NCKAP5: variants seen among roughly 807,000 people sequenced by gnomAD.
NCKAP5 encodes NCK associated protein 5, also known as nck-associated protein 5.
Under a neutral mutation model 167.0 loss-of-function variants are expected in NCKAP5, and 92 were observed. The ratio of observed to expected loss-of-function variants is 0.55; its 90% CI spans 0.47 to 0.66. The LOEUF is 0.66. Ranked by LOEUF, NCKAP5 falls within the 30% of genes least tolerant of loss-of-function variation. The pLI, the probability that NCKAP5 is intolerant of heterozygous loss-of-function variation, is 0.00. For synonymous variants in NCKAP5, 891 were observed against 877.4 expected (o/e 1.02, Z -0.27); for missense variants, 2,378 against 2,315.0 (o/e 1.03, Z -0.56).
chr2:133,412,917 C>T (rs2151064672), intron 3 of NCKAP5, among the ~76,000 whole-genome samples: 1 of 152,322 alleles, frequency 6.6e-6, no homozygotes, highest in African/African-American at 2.4e-5. Flanking sequence ...TACCTACCAC[C>T]TTGAAGTGTA....
At position 133,228,037 on chromosome 2, in the gene NCKAP5, C is replaced by A. The variant is rs574811151; in HGVS notation, c.144-14258G>T. ...CTCTGGGGACTCTTGGTTTCTATTC[C>A]ATCAGTTCCACGTTTTAATTCTCTG... On this transcript the variant is annotated intron_variant, in intron 4 of 19. Transcript: ENST00000409261. Among the ~76,000 whole-genome samples the A allele has an allele frequency of 2.6e-5, 4 of 152,278 alleles. No homozygotes were observed. The East Asian group carries it at 5.8e-4, about 22-fold the overall frequency.
At chr2:133,151,161 G>C (rs1423045315) in intron 5 of NCKAP5, among the ~76,000 whole-genome samples, 1 of 152,092 alleles carries the variant, frequency 6.6e-6, no homozygotes, top group Non-Finnish European at 1.5e-5. Context: ...ACGCTTTTCT[G>C]TATGTACATT....
At chr2:133,123,106 G>C (rs2082299343) in intron 6 of NCKAP5, 1 of 152,186 alleles carries the variant, frequency 6.6e-6, no homozygotes. Flanking sequence ...TCTCTACAGG[G>C]ATGAATAATA....
At chr2:133,431,440 G>A (rs1013931957) in intron 3 of NCKAP5, among the ~76,000 whole-genome samples, 4 of 152,138 alleles carry the variant, frequency 2.6e-5, no homozygotes, top group South Asian at 4.1e-4. Flanking sequence ...GTAGACAACC[G>A]TTTCCAAGGT....
intron 3 of NCKAP5, among the ~76,000 whole-genome samples, chr2:133,399,139 C>T (rs576095349): frequency 1.3e-5 from 2 of 152,140 alleles, no homozygotes; most frequent in African/African-American, 2.4e-5. Context: ...AACATGCTCT[C>T]GCTCTTCATT....
intron 3 of NCKAP5, among the ~76,000 whole-genome samples, chr2:133,383,144 C>A (rs2150955877): frequency 6.6e-6 from 1 of 152,052 alleles, no homozygotes; most frequent in East Asian, 1.9e-4. Flanking sequence ...TATACATATG[C>A]CATATTGGTG....
chr2:133,255,372 C>A (rs113477783), intron 4 of NCKAP5, among the ~76,000 whole-genome samples: 229 of 152,208 alleles, frequency 1.5e-3, no homozygotes, highest in African/African-American at 5.2e-3. Flanking sequence ...TTTAATACAT[C>A]ACTTCTTTAT....
intron 6 of NCKAP5, among the ~76,000 whole-genome samples, chr2:133,119,999 G>A (rs957816080): frequency 1.3e-5 from 2 of 151,960 alleles, no homozygotes; most frequent in South Asian, 4.2e-4. Flanking sequence ...GTAACCATGG[G>A]GATATCAATA....
chr2:133,196,445 G>A (rs939316861), intron 5 of NCKAP5, among the ~76,000 whole-genome samples: 1 of 152,162 alleles, frequency 6.6e-6, no homozygotes, highest in African/African-American at 2.4e-5. Flanking sequence ...ACAAGCGCTT[G>A]ACATCTTCAC....
At chr2:133,084,753 C>T (rs1483939625) in intron 6 of NCKAP5, among the ~76,000 whole-genome samples, 1 of 152,160 alleles carries the variant, frequency 6.6e-6, no homozygotes, top group Non-Finnish European at 1.5e-5. Context: ...CCATTCATGA[C>T]CTCAGCATCA....
chr2:132,781,905 C>T, intron 14 of NCKAP5, 35 bp downstream of exon 14: 3 of 1,577,138 alleles, frequency 1.9e-6, no homozygotes, highest in South Asian at 2.4e-5. Flanking sequence ...TGGAGGGACC[C>T]CTCTACATTG....
chr2:133,171,306 G>GTGAC lies in NCKAP5; in HGVS notation c.208-41199_208-41196dup, dbSNP rs539047596. On this transcript the variant is annotated intron_variant, in intron 5 of 19. Coordinates refer to ENST00000409261, the MANE Select transcript of NCKAP5 (RefSeq NM_207363.3). ...TCAATCCTTTTAATCCAGCAGAAAT[G>GTGAC]TGACCCCCAACTGAGTAGAAACGTG... Among the ~76,000 whole-genome samples, 12 of 152,316 alleles carry GTGAC rather than the reference G, an allele frequency of 7.9e-5. No homozygotes were observed. In the South Asian group the frequency reaches 2.3e-3, roughly 29 times the overall value.
chr2:133,329,116 T>C (rs940383424), intron 3 of NCKAP5, among the ~76,000 whole-genome samples: 2 of 152,180 alleles, frequency 1.3e-5, no homozygotes, highest in African/African-American at 4.8e-5. Flanking sequence ...AGGAATTGCA[T>C]TTTCCACCTC....
intron 8 of NCKAP5, among the ~76,000 whole-genome samples, chr2:132,933,913 G>A (rs1017008765): frequency 5.9e-5 from 9 of 152,104 alleles, no homozygotes; most frequent in Non-Finnish European, 1.0e-4. Context: ...CACAATCCCC[G>A]AAGAGCAGGA....
chr2:133,481,465 T>C (rs1161463200), intron 3 of NCKAP5, among the ~76,000 whole-genome samples: 1 of 152,228 alleles, frequency 6.6e-6, no homozygotes, highest in Admixed American at 6.5e-5. Flanking sequence ...AAGTTCAGTA[T>C]ACAGGTTTGT....
At chr2:133,284,434 G>A (rs2090035903) in intron 4 of NCKAP5, among the ~76,000 whole-genome samples, 1 of 152,178 alleles carries the variant, frequency 6.6e-6, no homozygotes, top group Admixed American at 6.5e-5. Context: ...AATAGTATGT[G>A]TGGGTCATGT....
At chr2:133,121,481 TC>T (rs1465989080) in intron 6 of NCKAP5, among the ~76,000 whole-genome samples, 1 of 152,134 alleles carries the variant, frequency 6.6e-6, no homozygotes, top group Non-Finnish European at 1.5e-5. Context: ...GAGTCTCCTT[TC>T]TTGACCTAGC....
chr2:132,886,750 T>C (rs921572483), intron 8 of NCKAP5, among the ~76,000 whole-genome samples: 8 of 152,204 alleles, frequency 5.3e-5, no homozygotes, highest in Non-Finnish European at 1.2e-4. Context: ...TCTTAGTGCA[T>C]TGTATCAGGA....
At chr2:132,798,979 G>A (rs1468282845) in intron 11 of NCKAP5, among the ~76,000 whole-genome samples, 9 of 152,116 alleles carry the variant, frequency 5.9e-5, no homozygotes, top group Non-Finnish European at 8.8e-5. Context: ...GCTATTTACA[G>A]TAGCAAAGAC....
Sources: gnomAD v4.1 joint callset for allele counts (sites outside exome capture counted in the v4.1 genomes callset) on GRCh38, gnomAD v4.1.1 for gene constraint, MANE v1.5 for transcripts, NCBI Gene and HGNC (gene_info 2026-07-23, HGNC 2026-07-21) for gene names.